ARID3B: variants seen among roughly 807,000 people sequenced by gnomAD.
The protein encoded by ARID3B is AT-rich interactive domain-containing protein 3B.
ARID3B carries 10 observed loss-of-function variants against 51.9 expected under a neutral mutation model. The observed-to-expected ratio is 0.19, with a 90% confidence interval of 0.12 to 0.33. ARID3B has a LOEUF of 0.33. Ranked by LOEUF, ARID3B falls within the 10% of genes least tolerant of loss-of-function variation. The pLI, the probability that ARID3B is intolerant of heterozygous loss-of-function variation, is 1.00. For missense variants in ARID3B, 483 were observed against 716.3 expected (o/e 0.67, Z 3.72); for synonymous variants, 205 against 279.5 (o/e 0.73, Z 2.66).
At chr15:74,578,258 C>T (rs1473710810) in intron 4 of ARID3B, among the ~76,000 whole-genome samples, 1 of 151,246 alleles carries the variant, frequency 6.6e-6, no homozygotes, top group Non-Finnish European at 1.5e-5. Flanking sequence ...ACTGCAACCT[C>T]CACCTCCTGG....
At position 74,569,594 on chromosome 15, in the gene ARID3B, G is replaced by A. The variant is rs185735919; in HGVS notation, c.553-3268G>A. On this transcript the variant is annotated intron_variant, in intron 2 of 8. Transcript: ENST00000346246. Reference sequence around the variant, plus strand: ...AGAGACAGTCTTCCTATATTGCTCAGGTTGGTCTTAAAGTGCTGGAATTAC... The same window carrying A: ...AGAGACAGTCTTCCTATATTGCTCAAGTTGGTCTTAAAGTGCTGGAATTAC... Among the ~76,000 whole-genome samples the A allele has an allele frequency of 1.4e-4, 21 of 152,316 alleles. No individual in the cohort carries two copies. The East Asian group carries it at 3.7e-3, about 27-fold the overall frequency.
chr15:74,555,775 G>A (rs1490268907), intron 2 of ARID3B, among the ~76,000 whole-genome samples: 1 of 149,602 alleles, frequency 6.7e-6, no homozygotes. Flanking sequence ...GTAGCCTTAC[G>A]AGCTGTATTT....
chr15:74,553,803 T>A (rs549746648), intron 2 of ARID3B, among the ~76,000 whole-genome samples: 14 of 150,136 alleles, frequency 9.3e-5, no homozygotes, highest in African/African-American at 3.4e-4. Context: ...GTTTTTTAAT[T>A]TTTATTTATT....
intron 2 of ARID3B, among the ~76,000 whole-genome samples, chr15:74,560,031 T>TAAAAAAAAAAAAAA (rs71137394): frequency 1.7e-4 from 6 of 35,622 alleles, no homozygotes; most frequent in African/African-American, 8.2e-4. Context: ...CTGTCTCTAC[T>TAAAAAAAAAAAAAA]AAAAAAAAAA....
chr15:74,578,202 C>G (rs1320865152), intron 4 of ARID3B, among the ~76,000 whole-genome samples: 2 of 147,954 alleles, frequency 1.4e-5, no homozygotes, highest in Non-Finnish European at 3.0e-5. Context: ...TAAGCAAAGT[C>G]TCCCTCTGTA....
intron 4 of ARID3B, among the ~76,000 whole-genome samples, chr15:74,582,216 G>A (rs2061764490): frequency 6.6e-6 from 1 of 151,058 alleles, no homozygotes; most frequent in African/African-American, 2.4e-5. Context: ...CGCCCAGGCT[G>A]GAGTGCAGTG....
intron 2 of ARID3B, among the ~76,000 whole-genome samples, chr15:74,555,223 CTTGATG>C (rs1490494082): frequency 2.0e-5 from 3 of 152,048 alleles, no homozygotes; most frequent in Non-Finnish European, 2.9e-5. Context: ...AAGGTCCTGC[CTTGATG>C]TTGATGGCTT....
intron 4 of ARID3B, among the ~76,000 whole-genome samples, chr15:74,580,558 G>C (rs1176973811): frequency 6.6e-6 from 1 of 152,134 alleles, no homozygotes; most frequent in Non-Finnish European, 1.5e-5. Flanking sequence ...CCCATTATCT[G>C]ATCTGCTGCT....
At position 74,583,011 on chromosome 15, in the gene ARID3B, T is replaced by C. The variant is rs374016419; in HGVS notation, c.698-6809T>C. On this transcript the variant is annotated intron_variant, in intron 4 of 8. Coordinates refer to ENST00000346246, the MANE Select transcript of ARID3B (RefSeq NM_006465.4). ...AAGTTCAAGAGCAGCCTGGGCAACA[T>C]GGTGAAACCCCATCTCTACCAAAAA... is the stretch of plus-strand genomic sequence containing the variant. 5.6e-5 allele frequency among the ~76,000 whole-genome samples: 8 copies of C among 143,456 alleles called. No homozygotes were observed. The East Asian group carries it at 1.0e-3, about 19-fold the overall frequency. The allele number at this position is 143,456 out of a possible 152,430, so 94.1% of individuals were successfully genotyped here. A position where few individuals can be genotyped will look rare whatever the true frequency, so the allele number is the denominator to read the frequency against.
At chr15:74,563,495 GAAA>G (rs928851297) in intron 2 of ARID3B, among the ~76,000 whole-genome samples, 5 of 151,910 alleles carry the variant, frequency 3.3e-5, no homozygotes, top group African/African-American at 1.2e-4. Context: ...TGTTTGGGGG[GAAA>G]AAAAAGTTTT....
In ARID3B at chr15:74,596,917, A is replaced by AG. The variant is rs1289148308; in HGVS notation, c.*1145dup. 8.6e-6 allele frequency: 2 copies of AG among 232,996 alleles called. No homozygotes were observed. The highest frequency in any genetic ancestry group is 1.7e-5 in the Non-Finnish European group (2 of 117,766). The allele number at this position is 232,996 out of a possible 1,614,324, so 14.4% of individuals were successfully genotyped here. The stretch of plus-strand genomic sequence containing the variant: ...GGCCCTTCCCTCAAGCCCAGTGAGG[A>AG]GGTGGGTGGAGGCATGCAGGGGAGA... On this transcript the variant is annotated 3_prime_UTR_variant, in exon 9 of 9. Transcript: ENST00000346246.
intron 2 of ARID3B, among the ~76,000 whole-genome samples, chr15:74,554,635 A>C (rs2061650547): frequency 6.6e-6 from 1 of 152,066 alleles, no homozygotes; most frequent in Non-Finnish European, 1.5e-5. Context: ...CAATTTAACT[A>C]TACTTTTCTT....
chr15:74,541,996 G>A (rs116875756), intron 1 of ARID3B, among the ~76,000 whole-genome samples: 4,036 of 152,300 alleles, frequency 0.027, 95 homozygotes, highest in Non-Finnish European at 0.038. Context: ...TGTGTGTATT[G>A]AGTTGTAGAA....
In ARID3B at chr15:74,544,568, G is replaced by A. The variant is rs144164282; in HGVS notation, c.552+80G>A. ...TCATGGACTGACAGGGTCAGGGGCTGTGCCAGTCTGTGCCTTCTCACCCCA... is the reference window on the plus strand; with the variant it reads ...TCATGGACTGACAGGGTCAGGGGCTATGCCAGTCTGTGCCTTCTCACCCCA... On this transcript the variant is annotated intron_variant, in intron 2 of 8. Transcript: ENST00000346246. The A allele has an allele frequency of 6.3e-5, 89 of 1,416,498 alleles. No individual in the cohort carries two copies. The East Asian group carries it at 2.0e-3, about 31-fold the overall frequency. The allele number at this position is 1,416,498 out of a possible 1,614,324, so 87.7% of individuals were successfully genotyped here.
chr15:74,581,941 C>G (rs1268703693), intron 4 of ARID3B, among the ~76,000 whole-genome samples: 1 of 152,186 alleles, frequency 6.6e-6, no homozygotes, highest in African/African-American at 2.4e-5. Context: ...GGAAGTTCTG[C>G]TGGGTTTTGA....
chr15:74,543,371 G>A (rs750560002), intron 1 of ARID3B, among the ~76,000 whole-genome samples: 32 of 152,200 alleles, frequency 2.1e-4, no homozygotes, highest in Non-Finnish European at 4.4e-4. Flanking sequence ...GTCTAGCTTA[G>A]AGGTGATATC....
chr15:74,570,914 G>T (rs367972705), intron 2 of ARID3B, among the ~76,000 whole-genome samples: 11 of 152,200 alleles, frequency 7.2e-5, no homozygotes, highest in East Asian at 3.9e-4. Flanking sequence ...CCTCCCACTT[G>T]GCTATTGGCT....
intron 2 of ARID3B, among the ~76,000 whole-genome samples, chr15:74,561,778 T>TCAACTCAA (rs1219590188): frequency 6.6e-6 from 1 of 152,200 alleles, no homozygotes; most frequent in Non-Finnish European, 1.5e-5. Context: ...TTAAGATGGT[T>TCAACTCAA]CAACTCAACT....
chr15:74,596,062 C>T lies in ARID3B; in HGVS notation c.*288C>T, dbSNP rs2061824085. The T allele has an allele frequency of 2.6e-5, 11 of 423,246 alleles. No individual in the cohort carries two copies. The East Asian group carries it at 4.4e-4, about 17-fold the overall frequency. The allele number at this position is 423,246 out of a possible 1,614,324, so 26.2% of individuals were successfully genotyped here. A position where few individuals can be genotyped will look rare whatever the true frequency, so the allele number is the denominator to read the frequency against. ...GCTTCCTCCAGGGTTCCCCAGCCACCTCCCAGCTCAGGGCACAGTGTATCG... is the reference window on the plus strand; with the variant it reads ...GCTTCCTCCAGGGTTCCCCAGCCACTTCCCAGCTCAGGGCACAGTGTATCG... On this transcript the variant is annotated 3_prime_UTR_variant, in exon 9 of 9. Transcript: ENST00000346246.
Sources: allele counts gnomAD v4.1 joint callset (sites outside exome capture counted in the v4.1 genomes callset), GRCh38; gene constraint gnomAD v4.1.1; transcripts MANE v1.5; gene names NCBI Gene and HGNC (gene_info 2026-07-23, HGNC 2026-07-21).